Variants in OTUD7A observed in about 807,000 individuals in gnomAD.
OTUD7A encodes OTU domain-containing protein 7A.
Under a neutral mutation model 65.7 loss-of-function variants are expected in OTUD7A, and 12 were observed. The ratio of observed to expected loss-of-function variants is 0.18; its 90% CI spans 0.12 to 0.30. The LOEUF is 0.30. Ranked by LOEUF, OTUD7A falls within the 10% of genes least tolerant of loss-of-function variation. OTUD7A has a pLI of 1.00. For missense variants in OTUD7A, 1,148 were observed against 1,304.8 expected, an observed-to-expected ratio of 0.88 and a Z score of 1.85; for synonymous variants, 641 against 586.3, an observed-to-expected ratio of 1.09 and a Z score of -1.35.
intron 1 of OTUD7A, among the ~76,000 whole-genome samples, chr15:31,800,680 A>G (rs931711141): frequency 6.6e-6 from 1 of 152,212 alleles, no homozygotes; most frequent in African/African-American, 2.4e-5. Context: ...TCTGGGTTAC[A>G]GAGCTTCTCA....
chr15:31,740,823 C>T (rs1005361773), intron 1 of OTUD7A, among the ~76,000 whole-genome samples: 5 of 151,990 alleles, frequency 3.3e-5, no homozygotes, highest in Admixed American at 2.6e-4. Flanking sequence ...ACAGAAAGGA[C>T]AAAATTAAAA....
At chr15:31,849,281 T>C (rs991327023) in intron 1 of OTUD7A, among the ~76,000 whole-genome samples, 1 of 152,118 alleles carries the variant, frequency 6.6e-6, no homozygotes, top group African/African-American at 2.4e-5. Context: ...TTGACAAACC[T>C]GACAAAAACA....
chr15:31,635,895 C>T (rs12900789), intron 3 of OTUD7A, among the ~76,000 whole-genome samples: 43,630 of 152,100 alleles, frequency 0.29, 7,381 homozygotes, highest in African/African-American at 0.47. Context: ...GAGCCACTGC[C>T]CCCCACTTGC....
At chr15:31,530,070 G>A (rs2042065836) in intron 6 of OTUD7A, among the ~76,000 whole-genome samples, 1 of 152,136 alleles carries the variant, frequency 6.6e-6, no homozygotes, top group Admixed American at 6.5e-5. Context: ...TGTGTGATCG[G>A]GAAGCTCACG....
At chr15:31,797,322 C>T (rs920619554) in intron 1 of OTUD7A, among the ~76,000 whole-genome samples, 2 of 152,144 alleles carry the variant, frequency 1.3e-5, no homozygotes, top group Non-Finnish European at 2.9e-5. Flanking sequence ...GAACACAAAC[C>T]CCTCTACTCA....
intron 1 of OTUD7A, among the ~76,000 whole-genome samples, chr15:31,801,354 G>C (rs981498204): frequency 2.0e-5 from 3 of 152,214 alleles, no homozygotes; most frequent in Admixed American, 6.5e-5. Flanking sequence ...AACTCTCCCA[G>C]CCTGATGGCA....
chr15:31,732,732 A>G (rs1894081806), intron 1 of OTUD7A, among the ~76,000 whole-genome samples: 1 of 151,906 alleles, frequency 6.6e-6, no homozygotes, highest in South Asian at 2.1e-4. Context: ...GAAATAATTC[A>G]CCCTAAGTGG....
chr15:31,822,895 A>C (rs1302168825), intron 1 of OTUD7A, among the ~76,000 whole-genome samples: 1 of 152,200 alleles, frequency 6.6e-6, no homozygotes, highest in Non-Finnish European at 1.5e-5. Flanking sequence ...GACAATAACT[A>C]CTTAAAAAGA....
At chr15:31,800,498 T>TGGGGCCATCAGGATGCAGC (rs1896091788) in intron 1 of OTUD7A, among the ~76,000 whole-genome samples, 2 of 152,128 alleles carry the variant, frequency 1.3e-5, no homozygotes, top group African/African-American at 4.8e-5. Context: ...CAGGATGCTG[T>TGGGGCCATCAGGATGCAGC]GGGGCCATCA....
At chr15:31,730,471 A>G (rs1357266515) in intron 1 of OTUD7A, among the ~76,000 whole-genome samples, 2 of 152,136 alleles carry the variant, frequency 1.3e-5, no homozygotes, top group African/African-American at 4.8e-5. Flanking sequence ...AAAGGCATCA[A>G]ATTCCCTCTA....
intron 8 of OTUD7A, among the ~76,000 whole-genome samples, chr15:31,522,755 T>A (rs8041249): frequency 0.04 from 6,074 of 152,212 alleles, 407 homozygotes; most frequent in African/African-American, 0.14. Context: ...CCACTGTGAG[T>A]CCTCCTGGGA....
chr15:31,534,280 C>T (rs1887724815), intron 5 of OTUD7A, among the ~76,000 whole-genome samples: 1 of 152,126 alleles, frequency 6.6e-6, no homozygotes, highest in East Asian at 1.9e-4. Context: ...ATATAATTCA[C>T]CATATTAATG....
chr15:31,531,194 A>G (rs1352519000), intron 5 of OTUD7A, among the ~76,000 whole-genome samples: 6 of 152,190 alleles, frequency 3.9e-5, no homozygotes. Flanking sequence ...AGTATAGTTC[A>G]TATTTCATTT....
At chr15:31,789,229 A>G (rs1475102024) in intron 1 of OTUD7A, among the ~76,000 whole-genome samples, 2 of 152,200 alleles carry the variant, frequency 1.3e-5, no homozygotes, top group Non-Finnish European at 2.9e-5. Flanking sequence ...CATGCAGGGT[A>G]GAAACCAGGA....
chr15:31,830,937 G>T (rs1024420970), intron 1 of OTUD7A, among the ~76,000 whole-genome samples: 7 of 152,196 alleles, frequency 4.6e-5, no homozygotes, highest in African/African-American at 1.7e-4. Context: ...CAAGGGCATG[G>T]TAATCAAGGC....
intron 1 of OTUD7A, among the ~76,000 whole-genome samples, chr15:31,838,808 C>CT (rs1897117615): frequency 6.6e-6 from 1 of 152,118 alleles, no homozygotes. Flanking sequence ...TGAAGGCCCC[C>CT]TACTAGTCCT....
chr15:31,748,607 G>A (rs1271001239), intron 1 of OTUD7A, among the ~76,000 whole-genome samples: 2 of 151,970 alleles, frequency 1.3e-5, no homozygotes, highest in Non-Finnish European at 2.9e-5. Context: ...ACATGAGAAG[G>A]TTTATTATAA....
chr15:31,601,629 A>T (rs925783826), intron 3 of OTUD7A, among the ~76,000 whole-genome samples: 2 of 152,224 alleles, frequency 1.3e-5, no homozygotes, highest in Non-Finnish European at 2.9e-5. Context: ...TGAAGGAGAT[A>T]GAGACACAAA....
At chr15:31,507,875 C>T (rs1007972574) in intron 8 of OTUD7A, among the ~76,000 whole-genome samples, 1 of 152,150 alleles carries the variant, frequency 6.6e-6, no homozygotes, top group African/African-American at 2.4e-5. Context: ...CCACTCAACC[C>T]AGGAAGTCCA....
Sources: allele counts gnomAD v4.1 joint callset (sites outside exome capture counted in the v4.1 genomes callset), GRCh38; gene constraint gnomAD v4.1.1; transcripts MANE v1.5; gene names NCBI Gene and HGNC (gene_info 2026-07-23, HGNC 2026-07-21).